Variants in RELN observed in about 807,000 individuals in gnomAD.
RELN encodes the protein reelin.
RELN carries 108 observed loss-of-function variants against 427.6 expected under a neutral mutation model. The ratio of observed to expected loss-of-function variants is 0.25; its 90% CI spans 0.22 to 0.30. The LOEUF is 0.30. Ranked by LOEUF, RELN falls within the 10% of genes least tolerant of loss-of-function variation. RELN has a pLI of 1.00. For synonymous variants in RELN, 1,524 were observed against 1,513.4 expected (o/e 1.01, Z -0.16); for missense variants, 3,715 against 4,302.8 (o/e 0.86, Z 3.82).
chr7:103,789,767 C>G (rs1352752657), intron 3 of RELN, among the ~76,000 whole-genome samples: 5 of 152,146 alleles, frequency 3.3e-5, no homozygotes, highest in Admixed American at 6.5e-5. Flanking sequence ...TTGTAGAAGA[C>G]AATGTGGTGA....
At chr7:103,698,133 C>T in intron 9 of RELN, 40 bp from the exon 10 acceptor site, 1 of 1,612,232 alleles carries the variant, frequency 6.2e-7, no homozygotes, top group Non-Finnish European at 8.5e-7. Flanking sequence ...GCAATGCTGA[C>T]TTTTTCTTTC....
At chr7:103,501,998 G>A (rs915204158) in intron 52 of RELN, among the ~76,000 whole-genome samples, 2 of 152,226 alleles carry the variant, frequency 1.3e-5, no homozygotes, top group African/African-American at 4.8e-5. Context: ...GCCTGAGAGA[G>A]CTGAGTATGC....
At chr7:103,908,535 G>A (rs1013924246) in intron 2 of RELN, among the ~76,000 whole-genome samples, 2 of 152,096 alleles carry the variant, frequency 1.3e-5, no homozygotes, top group South Asian at 2.1e-4. Flanking sequence ...GAGCCACCAC[G>A]TTGAACTGAC....
At chr7:103,811,646 G>C (rs1412941322) in intron 3 of RELN, among the ~76,000 whole-genome samples, 1 of 152,144 alleles carries the variant, frequency 6.6e-6, no homozygotes, top group Non-Finnish European at 1.5e-5. Context: ...ATGCTAAGAA[G>C]CTCAAACTAC....
At chr7:103,584,555 A>G (rs1312684670) in intron 28 of RELN, among the ~76,000 whole-genome samples, 3 of 152,208 alleles carry the variant, frequency 2.0e-5, no homozygotes, top group Non-Finnish European at 2.9e-5. Context: ...GAACACCCAC[A>G]TTCATAAAAT....
intron 43 of RELN, among the ~76,000 whole-genome samples, chr7:103,542,222 G>A (rs563838159): frequency 6.6e-6 from 1 of 152,300 alleles, no homozygotes; most frequent in African/African-American, 2.4e-5. Flanking sequence ...TCATTGGAAA[G>A]ATGCTTATAA....
intron 50 of RELN, among the ~76,000 whole-genome samples, chr7:103,511,321 TTAGA>T (rs1424090852): frequency 6.6e-6 from 1 of 152,196 alleles, no homozygotes; most frequent in Non-Finnish European, 1.5e-5. Flanking sequence ...ATTTAACTTT[TTAGA>T]TAGCATATAA....
At chr7:103,983,422 T>C (rs958469066) in intron 1 of RELN, among the ~76,000 whole-genome samples, 2 of 152,164 alleles carry the variant, frequency 1.3e-5, no homozygotes, top group African/African-American at 4.8e-5. Flanking sequence ...GACACCAAAG[T>C]GAGATCATGT....
intron 4 of RELN, among the ~76,000 whole-genome samples, chr7:103,761,449 A>G (rs940146105): frequency 1.3e-5 from 2 of 152,072 alleles, no homozygotes; most frequent in Non-Finnish European, 2.9e-5. Context: ...GTACATTTTT[A>G]TTTTTATATT....
intron 3 of RELN, among the ~76,000 whole-genome samples, chr7:103,815,240 C>T (rs1792842224): frequency 6.6e-6 from 1 of 152,046 alleles, no homozygotes; most frequent in South Asian, 2.1e-4. Flanking sequence ...TTGAGAAATT[C>T]AGCTATCAGC....
intron 16 of RELN, among the ~76,000 whole-genome samples, chr7:103,645,091 T>C (rs941408525): frequency 1.3e-5 from 2 of 151,678 alleles, no homozygotes; most frequent in Non-Finnish European, 3.0e-5. Context: ...GGGAATTCAT[T>C]ACCACTAGAC....
At chr7:103,710,943 C>A (rs952377858) in intron 8 of RELN, among the ~76,000 whole-genome samples, 3 of 152,176 alleles carry the variant, frequency 2.0e-5, no homozygotes, top group Non-Finnish European at 4.4e-5. Context: ...ACTCAGGAGG[C>A]TGAGGCAGGA....
At chr7:103,668,085 C>T (rs999248579) in intron 11 of RELN, among the ~76,000 whole-genome samples, 1 of 152,034 alleles carries the variant, frequency 6.6e-6, no homozygotes, top group African/African-American at 2.4e-5. Flanking sequence ...CAAAAATTAG[C>T]CGGGCATGGT....
chr7:103,593,984 T>C (rs1327326899), intron 26 of RELN, 102 bp from the exon 27 acceptor site: 1 of 912,254 alleles, frequency 1.1e-6, no homozygotes, highest in Non-Finnish European at 1.7e-6. Flanking sequence ...ACCATTTGCA[T>C]TTCTAGGAAA....
Position 103,911,564 on chromosome 7 carries a change from T to C in RELN, c.337+5511A>G, listed in dbSNP as rs533072007. On this transcript the variant is annotated intron_variant, in intron 2 of 64. Coordinates refer to ENST00000428762, the MANE Select transcript of RELN (RefSeq NM_005045.4). ...AAAGACACATGCACACGTATGTTTA[T>C]TGCGGCATTATTCACAATAGCAAAG... Among the ~76,000 whole-genome samples, 24 of 150,706 alleles carry C rather than the reference T, an allele frequency of 1.6e-4. No homozygotes were observed. In the East Asian group the frequency reaches 4.8e-3, roughly 30 times the overall value.
In RELN at chr7:103,635,580, G is replaced by A; in HGVS notation, c.2310C>T (p.Leu770=). Residue 770 remains leucine (L), a synonymous_variant, in exon 19 of 65, where the codon CTC becomes CTT. Coordinates refer to ENST00000428762, the MANE Select transcript of RELN (RefSeq NM_005045.4). The part of the protein sequence containing the change: ...SFLDSSQSRF[L]QFTLRLGSKS... ...TGCTCCCCAGTCTCAGTGTGAACTG[G>A]AGAAACCTAGACAGAAATTGTCTAT... 2 of 1,613,472 alleles carry A rather than the reference G, an allele frequency of 1.2e-6. No individual in the cohort carries two copies. The highest frequency in any genetic ancestry group is 1.7e-6 in the Non-Finnish European group (2 of 1,179,506).
rs1832200767 is a variant in RELN, at chr7:103,620,766, G to A, written c.2703-8963C>T. On this transcript the variant is annotated intron_variant, in intron 20 of 64. Transcript: ENST00000428762. The surrounding 1 kb of genome is among the most constrained non-coding windows in gnomAD (Gnocchi z 4.1). The stretch of plus-strand genomic sequence containing the variant: ...TGGGATTACAGGTGTGAGCCACCGC[G>A]CCTGGCCTAACCTGATCCACATTTA... 1.3e-5 allele frequency among the ~76,000 whole-genome samples: 2 copies of A among 152,032 alleles called. No homozygotes were observed.
At chr7:103,644,854 G>GA (rs1049789597) in intron 16 of RELN, among the ~76,000 whole-genome samples, 10 of 151,660 alleles carry the variant, frequency 6.6e-5, no homozygotes, top group African/African-American at 2.2e-4. Flanking sequence ...CAGTGTGAAG[G>GA]AAAAAATCTT....
At chr7:103,750,595 T>C (rs3819466) in intron 5 of RELN, among the ~76,000 whole-genome samples, 11,398 of 152,248 alleles carry the variant, frequency 0.075, 556 homozygotes, top group East Asian at 0.19. Context: ...GGATAGAACA[T>C]TCTGGCTATT....
Sources: allele counts gnomAD v4.1 joint callset (sites outside exome capture counted in the v4.1 genomes callset), GRCh38; gene constraint gnomAD v4.1.1; non-coding constraint Gnocchi (gnomAD v3.1); transcripts MANE v1.5; gene names NCBI Gene and HGNC (gene_info 2026-07-23, HGNC 2026-07-21).